The following COL6A5 variants were observed in gnomAD, a reference collection of about 807,000 sequenced individuals.
COL6A5 encodes collagen type VI alpha 5 chain.
COL6A5 carries 48 observed loss-of-function variants against 65.6 expected under a neutral mutation model. The observed-to-expected ratio is 0.73, with a 90% confidence interval of 0.58 to 0.93. The LOEUF is 0.93. COL6A5 is among the 40% of genes least tolerant of loss of function. COL6A5 has a pLI of 0.00. For missense variants in COL6A5, 914 were observed against 928.3 expected (o/e 0.98, Z 0.20); for synonymous variants, 291 against 322.8 (o/e 0.90, Z 1.05).
upstream of COL6A5, among the ~76,000 whole-genome samples, chr3:130,426,677 A>C (rs2107689741): frequency 6.6e-6 from 1 of 152,312 alleles, no homozygotes; most frequent in African/African-American, 2.4e-5. Context: ...AAGATGAGTG[A>C]ATTAACTCAC....
At chr3:130,475,636 G>T (rs1710074586) in intron 7 of COL6A5, among the ~76,000 whole-genome samples, 1 of 152,090 alleles carries the variant, frequency 6.6e-6, no homozygotes, top group African/African-American at 2.4e-5. Flanking sequence ...TGACAGCCAG[G>T]GAGTTGGAGT....
chr3:130,483,379 T>C (rs1256976427), intron 7 of COL6A5, among the ~76,000 whole-genome samples: 2 of 152,138 alleles, frequency 1.3e-5, no homozygotes, highest in Non-Finnish European at 2.9e-5. Context: ...ACAACAATAT[T>C]AACCTTAAAT....
At chr3:130,410,197 T>C in intron 19 of COL6A5, 123 bp downstream of exon 19, 1 of 736,976 alleles carries the variant, frequency 1.4e-6, no homozygotes, top group Non-Finnish European at 2.2e-6. Context: ...AAAAGACCTT[T>C]ATTTTTTGAT....
At chr3:130,455,493 A>T (rs1348162273) in exon 5 of COL6A5, 1 of 1,612,280 alleles carries the variant, frequency 6.2e-7, no homozygotes, top group African/African-American at 1.3e-5. Flanking sequence ...TTGGGAGGTA[A>T]TGGCTTCATT....
intron 4 of COL6A5, among the ~76,000 whole-genome samples, chr3:130,449,110 G>T (rs1441279883): frequency 6.6e-6 from 1 of 152,122 alleles, no homozygotes; most frequent in African/African-American, 2.4e-5. Flanking sequence ...GAAACCAATT[G>T]AGTTAAAGCC....
chr3:130,365,018 G>A (rs192628680), intron 1 of COL6A5, among the ~76,000 whole-genome samples: 20 of 152,280 alleles, frequency 1.3e-4, no homozygotes, highest in African/African-American at 4.8e-4. Context: ...TCTTGATCTT[G>A]GGATTCTTCT....
At chr3:130,431,812 A>G in exon 1 of COL6A5, 1 of 1,551,574 alleles carries the variant, frequency 6.4e-7, no homozygotes. Flanking sequence ...CAACGTGAGG[A>G]GAGTTGCTGT....
chr3:130,365,486 C>T (rs1352923454), intron 1 of COL6A5, among the ~76,000 whole-genome samples: 1 of 152,108 alleles, frequency 6.6e-6, no homozygotes, highest in Non-Finnish European at 1.5e-5. Context: ...ACCGTTTTAG[C>T]CGGGATGGTC....
chr3:130,376,401 T>A (rs1935772393), exon 3 of COL6A5: 1 of 1,613,094 alleles, frequency 6.2e-7, no homozygotes, highest in African/African-American at 1.3e-5. Flanking sequence ...CAGCGACGAG[T>A]TTCACAGTGA....
chr3:130,413,640 G>A, intron 21 of COL6A5, 60 bp downstream of exon 21: 1 of 1,490,090 alleles, frequency 6.7e-7, no homozygotes, highest in Non-Finnish European at 9.2e-7. Context: ...TTTCTCCCAT[G>A]TAGGTGGTGC....
In COL6A5 at chr3:130,414,004, G is replaced by T; in HGVS notation, c.4699-65G>T. 4 of 1,203,032 alleles carry T rather than the reference G, an allele frequency of 3.3e-6. No individual in the cohort carries two copies. In the East Asian group the frequency reaches 7.6e-5, roughly 23 times the overall value. 74.5% of individuals were successfully genotyped at this position (1,203,032 alleles called of 1,614,324 possible). ...TACCTATTTCTGATGTAAATAGTAT[G>T]AAAAGAAAATCTATATGGAAACAAC... On this transcript the variant is annotated intron_variant and NMD_transcript_variant, in intron 21 of 41. Transcript: ENST00000312481.
intron 8 of COL6A5, among the ~76,000 whole-genome samples, chr3:130,396,734 C>T (rs1048190729): frequency 1.3e-5 from 2 of 152,210 alleles, no homozygotes; most frequent in African/African-American, 2.4e-5. Flanking sequence ...TCATTGTTCT[C>T]CAGTTCATTT....
At chr3:130,461,300 C>T (rs1037514212) in intron 5 of COL6A5, among the ~76,000 whole-genome samples, 2 of 151,942 alleles carry the variant, frequency 1.3e-5, no homozygotes, top group Admixed American at 6.6e-5. Context: ...TGCAGGACAC[C>T]TTTCAAAGTA....
intron 1 of COL6A5, among the ~76,000 whole-genome samples, chr3:130,366,421 A>G (rs776262112): frequency 2.0e-5 from 3 of 152,222 alleles, no homozygotes; most frequent in Non-Finnish European, 2.9e-5. Context: ...GGACCTGCTC[A>G]CTCATTTTAT....
intron 1 of COL6A5, among the ~76,000 whole-genome samples, chr3:130,368,234 G>C (rs1364739925): frequency 1.3e-5 from 2 of 152,196 alleles, no homozygotes; most frequent in African/African-American, 4.8e-5. Context: ...AATCAGTGGA[G>C]TTTGCTTCCC....
Position 130,382,192 on chromosome 3 carries a change from C to T in COL6A5, c.1300+2142C>T, listed in dbSNP as rs376520267. Among the ~76,000 whole-genome samples the T allele has an allele frequency of 3.3e-5, 5 of 152,068 alleles. 1 individual carries two copies. The East Asian group carries it at 5.8e-4, about 18-fold the overall frequency. On this transcript the variant is annotated intron_variant and NMD_transcript_variant, in intron 4 of 41. Coordinates refer to the COL6A5 transcript ENST00000312481. ...CATTATAGAGATAGTGTATATCAAG[C>T]ACCAGAGTTGTCCCAGGCAAGGAAA... is the stretch of plus-strand genomic sequence containing the variant.
chr3:130,398,490 G>A (rs1228357709), intron 10 of COL6A5, among the ~76,000 whole-genome samples: 3 of 152,186 alleles, frequency 2.0e-5, no homozygotes, highest in Non-Finnish European at 4.4e-5. Context: ...CCTTTACTCA[G>A]ATGCTGTAGA....
At chr3:130,383,019 T>A (rs1039415783) in intron 4 of COL6A5, among the ~76,000 whole-genome samples, 2 of 152,048 alleles carry the variant, frequency 1.3e-5, no homozygotes, top group African/African-American at 4.8e-5. Flanking sequence ...GTTTTACAAT[T>A]GAAATGTTTA....
intron 18 of COL6A5, among the ~76,000 whole-genome samples, chr3:130,409,790 A>C (rs1559886603): frequency 6.6e-6 from 1 of 152,202 alleles, no homozygotes; most frequent in African/African-American, 2.4e-5. Context: ...ACCATGTAGC[A>C]GGCACCCTTT....
Sources: allele counts gnomAD v4.1 joint callset (sites outside exome capture counted in the v4.1 genomes callset), GRCh38; gene constraint gnomAD v4.1.1; transcripts MANE v1.5; gene names NCBI Gene and HGNC (gene_info 2026-07-23, HGNC 2026-07-21).